The following ACTN1 variants were observed in gnomAD, a reference collection of about 807,000 sequenced individuals.
The protein encoded by ACTN1 is actinin alpha 1.
A neutral mutation model predicts 119.6 loss-of-function variants in ACTN1; 30 were observed. That is an observed-to-expected ratio of 0.25 (90% CI 0.19 to 0.34). The LOEUF is 0.34. Among genes scored for constraint, ACTN1 ranks in the 10% least tolerant of loss-of-function variants. The probability of loss-of-function intolerance (pLI) is 1.00; values close to 1 mark genes in which losing one functional copy is unlikely to be tolerated. For synonymous variants in ACTN1, 429 were observed against 472.6 expected, an observed-to-expected ratio of 0.91 and a Z score of 1.20; for missense variants, 764 against 1,223.4, an observed-to-expected ratio of 0.62 and a Z score of 5.60.
Position 68,885,674 on chromosome 14 carries a change from G to T in ACTN1, c.1235-99C>A. On this transcript the variant is annotated intron_variant, in intron 11 of 21. Transcript: ENST00000394419. The surrounding 1 kb of genome is among the most constrained non-coding windows in gnomAD (Gnocchi z 5.6). ...GGGCCCCAGGAGCTCCACTTCTGGG[G>T]GTGCTTCTCAAGGAGGTGCCCATTG... 2 of 1,406,448 alleles carry T rather than the reference G, an allele frequency of 1.4e-6. No individual in the cohort carries two copies. The highest frequency in any genetic ancestry group is 2.2e-5 in the Admixed American group (1 of 45,874). 87.1% of individuals were successfully genotyped at this position (1,406,448 alleles called of 1,614,324 possible).
At chr14:68,958,704 G>A (rs2036432094) in intron 1 of ACTN1, among the ~76,000 whole-genome samples, 1 of 152,160 alleles carries the variant, frequency 6.6e-6, no homozygotes, top group South Asian at 2.1e-4. Flanking sequence ...ATCTACGATA[G>A]GCCAAAACTG....
chr14:68,929,170 C>T (rs1020420904), intron 1 of ACTN1, among the ~76,000 whole-genome samples: 4 of 152,068 alleles, frequency 2.6e-5, no homozygotes, highest in Non-Finnish European at 4.4e-5. Flanking sequence ...TGTGCACCTC[C>T]GCAGAGGAGG....
chr14:68,874,888 T>C lies in ACTN1; in HGVS notation c.2716A>G (p.Thr906Ala). 1 of 1,602,978 alleles carries C rather than the reference T, an allele frequency of 6.2e-7. No homozygotes were observed. The change falls in exon 22 of 22, where the codon ACG becomes GCG. Residue 906 changes from threonine to alanine, a missense_variant. This residue lies in a region of ACTN1 where 102 missense variants were observed against 78.2 expected (regional missense o/e 1.30). Transcript: ENST00000394419. ...AGGTCACTCTCGCCGTACAGCGCCG[T>C]GGAGAAGGACATGTAGTCCAGAGCA... ...PGALDYMSFS[T>A]ALYGESDL
chr14:68,938,416 C>T (rs2035626541), intron 1 of ACTN1, among the ~76,000 whole-genome samples: 1 of 152,108 alleles, frequency 6.6e-6, no homozygotes, highest in Non-Finnish European at 1.5e-5. Flanking sequence ...CCACACCTCA[C>T]ATTACATCTG....
chr14:68,978,925 C>A, intron 1 of ACTN1, 27 bp downstream of exon 1: 1 of 1,475,618 alleles, frequency 6.8e-7, no homozygotes, highest in Non-Finnish European at 9.2e-7. Context: ...GGGCTGGGGG[C>A]TGCAGCGGGC....
rs1394775716 is a variant in ACTN1, at chr14:68,940,673, T to C, written c.106-15001A>G. ...GGGCAACATAGCAAGACCCTGTCTC[T>C]ACTTAAAAAAAAAAAAAAAAAATTA... On this transcript the variant is annotated intron_variant, in intron 1 of 21. Coordinates refer to ENST00000394419, the MANE Select transcript of ACTN1 (RefSeq NM_001130004.2). 5.1e-5 allele frequency among the ~76,000 whole-genome samples: 6 copies of C among 118,140 alleles called. 1 individual carries two copies. The highest frequency in any genetic ancestry group is 4.0e-4 in the East Asian group (2 of 4,968). The allele number at this position is 118,140 out of a possible 152,430, so 77.5% of individuals were successfully genotyped here.
intron 3 of ACTN1, among the ~76,000 whole-genome samples, chr14:68,919,240 T>C (rs902584907): frequency 6.6e-6 from 1 of 152,210 alleles, no homozygotes; most frequent in Non-Finnish European, 1.5e-5. Context: ...ACTTCTTACA[T>C]CCACAAGGTG....
At chr14:68,920,695 G>A (rs962679282) in intron 3 of ACTN1, among the ~76,000 whole-genome samples, 6 of 152,118 alleles carry the variant, frequency 3.9e-5, no homozygotes, top group East Asian at 1.9e-4. Flanking sequence ...AGGCAACACC[G>A]TGCAGTCAGG....
chr14:68,973,823 G>A (rs1421406979), intron 1 of ACTN1: 1 of 152,288 alleles, frequency 6.6e-6, no homozygotes, highest in African/African-American at 2.4e-5. Context: ...AGTCCTGTGG[G>A]GGCTGACCCA....
intron 1 of ACTN1, chr14:68,978,082 G>T (rs552992933): frequency 2.2e-6 from 1 of 455,308 alleles, no homozygotes; most frequent in Admixed American, 2.4e-5. Context: ...CCCGTGGCGG[G>T]GCGCGCACCC....
At chr14:68,888,937 C>T (rs550113435) in intron 11 of ACTN1, among the ~76,000 whole-genome samples, 9 of 152,282 alleles carry the variant, frequency 5.9e-5, no homozygotes, top group African/African-American at 1.2e-4. Flanking sequence ...TGCCCTACAC[C>T]AAGCCAAGCC....
chr14:68,901,340 C>G (rs1021812267), intron 8 of ACTN1, among the ~76,000 whole-genome samples: 3 of 148,550 alleles, frequency 2.0e-5, no homozygotes, highest in African/African-American at 7.5e-5. Context: ...CTCCACCTCT[C>G]GGGTTCAAGC....
rs1250211623 is a variant in ACTN1, at chr14:68,882,891, G to C, written c.1800C>G (p.Ile600Met). Residue 600 changes from isoleucine (I) to methionine (M), a missense_variant, in exon 15 of 22, where the codon ATC becomes ATG. By Grantham distance (10) the Ile-to-Met change is conservative (BLOSUM62 1). Transcript: ENST00000394419. The surrounding 1 kb of genome is among the most constrained non-coding windows in gnomAD (Gnocchi z 4.5). ...AACTCACGTGGTCCCATTTGCCATT[G>C]ATCTCCTGAGGCGTGATGGTTGTGT... ...NPYTTITPQE[I>M]NGKWDHVRQL... The C allele has an allele frequency of 6.2e-7, 1 of 1,614,158 alleles. No homozygotes were observed.
intron 1 of ACTN1, among the ~76,000 whole-genome samples, chr14:68,944,568 T>C (rs1243537151): frequency 2.0e-5 from 3 of 152,136 alleles, no homozygotes; most frequent in African/African-American, 7.2e-5. Flanking sequence ...AAAGATTTTA[T>C]CAATGCGTGT....
At chr14:68,920,090 G>A (rs1391192335) in intron 3 of ACTN1, among the ~76,000 whole-genome samples, 1 of 152,214 alleles carries the variant, frequency 6.6e-6, no homozygotes, top group Non-Finnish European at 1.5e-5. Flanking sequence ...GAAGACCTGC[G>A]TTTGAGTTCT....
intron 6 of ACTN1, among the ~76,000 whole-genome samples, chr14:68,906,099 C>T (rs184267291): frequency 6.6e-6 from 1 of 151,954 alleles, no homozygotes; most frequent in South Asian, 2.1e-4. Flanking sequence ...GGGGAACTAC[C>T]GTTTAATGGG....
chr14:68,954,615 C>G (rs1052146030), intron 1 of ACTN1, among the ~76,000 whole-genome samples: 1 of 152,200 alleles, frequency 6.6e-6, no homozygotes, highest in South Asian at 2.1e-4. Flanking sequence ...CATGAGCCAC[C>G]ACACCCGGCC....
At chr14:68,952,566 G>T (rs995801433) in intron 1 of ACTN1, among the ~76,000 whole-genome samples, 3 of 152,208 alleles carry the variant, frequency 2.0e-5, no homozygotes, top group Non-Finnish European at 4.4e-5. Context: ...TCCCTGTGCC[G>T]CAATGCCTAG....
At position 68,901,523 on chromosome 14, in the gene ACTN1, C is replaced by T. The variant is rs538781244; in HGVS notation, c.762+954G>A. On this transcript the variant is annotated intron_variant, in intron 8 of 21. Transcript: ENST00000394419. ...TTGGCCTCCCAAAGTGCTGGGATTA[C>T]AGGCGTGAGCCACCAGCCCGGCCTC... Among the ~76,000 whole-genome samples the T allele has an allele frequency of 7.7e-4, 118 of 152,308 alleles. 1 individual carries two copies. The highest frequency in any genetic ancestry group is 1.1e-3 in the Non-Finnish European group (75 of 68,018).
Sources: gnomAD v4.1 joint callset for allele counts (sites outside exome capture counted in the v4.1 genomes callset) on GRCh38, gnomAD v4.1.1 for gene constraint, gnomAD v4.1.1 regional missense constraint, Gnocchi (gnomAD v3.1) non-coding constraint, MANE v1.5 for transcripts, NCBI Gene and HGNC (gene_info 2026-07-23, HGNC 2026-07-21) for gene names.